VOPP1: variants seen among roughly 807,000 people sequenced by gnomAD.
The protein encoded by VOPP1 is WW domain binding protein VOPP1.
VOPP1 carries 8 observed loss-of-function variants against 23.5 expected under a neutral mutation model. The observed-to-expected ratio is 0.34, with a 90% CI of 0.20 to 0.61. The LOEUF is 0.61. Among genes scored for constraint, VOPP1 ranks in the 20% least tolerant of loss-of-function variants. The probability of loss-of-function intolerance (pLI) is 0.78; values close to 1 mark genes in which losing one functional copy is unlikely to be tolerated. For synonymous variants in VOPP1, 83 were observed against 97.3 expected, an observed-to-expected ratio of 0.85 and a Z score of 0.86; for missense variants, 174 against 238.1, an observed-to-expected ratio of 0.73 and a Z score of 1.77.
chr7:55,474,594 C>A (rs1333429237), intron 4 of VOPP1, among the ~76,000 whole-genome samples: 1 of 152,200 alleles, frequency 6.6e-6, no homozygotes, highest in Admixed American at 6.5e-5. Context: ...ACAGGCAGGG[C>A]AATACAGGAG....
intron 1 of VOPP1, among the ~76,000 whole-genome samples, chr7:55,536,727 A>G (rs1237161651): frequency 1.3e-5 from 2 of 152,182 alleles, no homozygotes; most frequent in African/African-American, 4.8e-5. Flanking sequence ...ACTCGTGTTC[A>G]CACCAAGGAG....
chr7:55,457,976 T>G (rs1791410247), intron 4 of VOPP1, among the ~76,000 whole-genome samples: 1 of 152,208 alleles, frequency 6.6e-6, no homozygotes, highest in Non-Finnish European at 1.5e-5. Context: ...TTTTTGTTTT[T>G]GAGATCTTAG....
intron 1 of VOPP1, chr7:55,539,693 C>T (rs1418751540): frequency 6.6e-6 from 1 of 152,182 alleles, no homozygotes; most frequent in Non-Finnish European, 1.5e-5. Context: ...GGAGTTGAGT[C>T]CCTCTGGAGG....
Position 55,453,663 on chromosome 7 carries a change from G to A in VOPP1, n.418-17489C>T, listed in dbSNP as rs891783943. Among the ~76,000 whole-genome samples, 6 of 152,154 alleles carry A rather than the reference G, an allele frequency of 3.9e-5. No individual in the cohort carries two copies. The East Asian group carries it at 5.8e-4, about 15-fold the overall frequency. ...TACAACACTAACATCAAATATCACTGATCACAGATCACCATAACAGTTATT... is the reference window on the plus strand; with the variant it reads ...TACAACACTAACATCAAATATCACTAATCACAGATCACCATAACAGTTATT... On this transcript the variant is annotated intron_variant and non_coding_transcript_variant, in intron 4 of 4. Transcript: ENST00000462326.
intron 1 of VOPP1, among the ~76,000 whole-genome samples, chr7:55,568,902 T>C (rs1798253826): frequency 6.6e-6 from 1 of 152,186 alleles, no homozygotes; most frequent in South Asian, 2.1e-4. Context: ...GTAAGGATTG[T>C]TTGCAGGACC....
At chr7:55,469,008 TCTTTTA>T (rs1230274395), downstream of VOPP1, among the ~76,000 whole-genome samples, 1 of 152,230 alleles carries the variant, frequency 6.6e-6, no homozygotes, top group African/African-American at 2.4e-5. Flanking sequence ...ACTAGTTTTT[TCTTTTA>T]AAGTACACTA....
At chr7:55,467,393 G>A (rs917540945), downstream of VOPP1, among the ~76,000 whole-genome samples, 11 of 152,184 alleles carry the variant, frequency 7.2e-5, no homozygotes, top group East Asian at 1.2e-3. Flanking sequence ...CAATCTCCCC[G>A]GTCCCTACCA....
chr7:55,456,943 TATA>T (rs1791382461), intron 4 of VOPP1, among the ~76,000 whole-genome samples: 2 of 152,154 alleles, frequency 1.3e-5, no homozygotes, highest in Non-Finnish European at 2.9e-5. Context: ...GAACTTAAAG[TATA>T]ATAATATTCT....
chr7:55,530,667 T>C (rs1296026690), intron 1 of VOPP1, among the ~76,000 whole-genome samples: 1 of 152,206 alleles, frequency 6.6e-6, no homozygotes, highest in Non-Finnish European at 1.5e-5. Flanking sequence ...GGAATGTCTG[T>C]CACATCGTGT....
intron 4 of VOPP1, among the ~76,000 whole-genome samples, chr7:55,461,810 T>C (rs992202933): frequency 6.6e-6 from 1 of 152,218 alleles, no homozygotes; most frequent in African/African-American, 2.4e-5. Context: ...TTTTGTTAAT[T>C]GTTTTCTACT....
intron 4 of VOPP1, among the ~76,000 whole-genome samples, chr7:55,483,106 G>T (rs1361119876): frequency 6.6e-6 from 1 of 152,164 alleles, no homozygotes; most frequent in Non-Finnish European, 1.5e-5. Flanking sequence ...TCTTAATGCT[G>T]AACTTGTATG....
chr7:55,460,298 G>A (rs992990915), intron 4 of VOPP1, among the ~76,000 whole-genome samples: 2 of 152,158 alleles, frequency 1.3e-5, no homozygotes, highest in African/African-American at 2.4e-5. Context: ...GCCTATCCTG[G>A]AGAATGTTCC....
At chr7:55,562,121 T>G in intron 1 of VOPP1, 1 of 700,900 alleles carries the variant, frequency 1.4e-6, no homozygotes, top group Non-Finnish European at 2.6e-6. Flanking sequence ...CTCATTCTAA[T>G]GTACAGCCAA....
intron 3 of VOPP1, among the ~76,000 whole-genome samples, chr7:55,494,202 A>G (rs1237182672): frequency 6.6e-6 from 1 of 152,208 alleles, no homozygotes. Context: ...CTAAGTTCCC[A>G]AAGGGAACGG....
intron 1 of VOPP1, chr7:55,538,506 G>C: frequency 1.9e-6 from 2 of 1,040,544 alleles, no homozygotes; most frequent in Non-Finnish European, 2.7e-6. Context: ...CACACAAAAA[G>C]AACAACCCTA....
chr7:55,449,578 C>A (rs1443834733), intron 4 of VOPP1, among the ~76,000 whole-genome samples: 5 of 152,234 alleles, frequency 3.3e-5, no homozygotes, highest in Non-Finnish European at 1.5e-5. Context: ...CCTCCCCAGG[C>A]GCAGGGGAAC....
intron 1 of VOPP1, among the ~76,000 whole-genome samples, chr7:55,561,481 C>A (rs964128539): frequency 3.9e-5 from 6 of 151,998 alleles, no homozygotes; most frequent in Non-Finnish European, 7.4e-5. Context: ...GAGGCCAAGG[C>A]GGGCAGATCA....
intron 1 of VOPP1, among the ~76,000 whole-genome samples, chr7:55,526,311 T>C (rs975492597): frequency 6.6e-6 from 1 of 152,228 alleles, no homozygotes; most frequent in South Asian, 2.1e-4. Flanking sequence ...GGTATCTATA[T>C]ATGTAGTTAA....
chr7:55,556,551 CT>C (rs1562628064), intron 1 of VOPP1, among the ~76,000 whole-genome samples: 5 of 152,178 alleles, frequency 3.3e-5, no homozygotes, highest in African/African-American at 9.6e-5. Context: ...GAGAAAAATG[CT>C]ATGATTATAT....
Sources: allele counts gnomAD v4.1 joint callset (sites outside exome capture counted in the v4.1 genomes callset), GRCh38; gene constraint gnomAD v4.1.1; transcripts MANE v1.5; gene names NCBI Gene and HGNC (gene_info 2026-07-23, HGNC 2026-07-21).